The following MAN1A2 variants were observed in gnomAD, a reference collection of about 807,000 sequenced individuals.
MAN1A2 encodes mannosyl-oligosaccharide 1,2-alpha-mannosidase IB.
In MAN1A2, 26 loss-of-function variants were observed where a neutral mutation model predicts 75.7. That is an observed-to-expected ratio of 0.34 (90% confidence interval 0.25 to 0.48). The LOEUF is 0.48. MAN1A2 is among the 20% of genes least tolerant of loss of function. The probability of loss-of-function intolerance (pLI) is 0.99; values close to 1 mark genes in which losing one functional copy is unlikely to be tolerated. For synonymous variants in MAN1A2, 247 were observed against 264.6 expected, an observed-to-expected ratio of 0.93 and a Z score of 0.65; for missense variants, 562 against 775.5, an observed-to-expected ratio of 0.72 and a Z score of 3.27.
chr1:117,511,110 T>C (rs1010134610), intron 12 of MAN1A2, among the ~76,000 whole-genome samples: 4 of 151,974 alleles, frequency 2.6e-5, no homozygotes, highest in Non-Finnish European at 5.9e-5. Context: ...TCTTACGTGG[T>C]GGCAGGAAAG....
At chr1:117,424,413 G>A (rs1188548620) in intron 5 of MAN1A2, among the ~76,000 whole-genome samples, 1 of 152,136 alleles carries the variant, frequency 6.6e-6, no homozygotes, top group Non-Finnish European at 1.5e-5. Context: ...ATCCAAGAAT[G>A]TTTATTATTT....
intron 5 of MAN1A2, among the ~76,000 whole-genome samples, chr1:117,439,547 G>A (rs1053539462): frequency 3.4e-4 from 51 of 151,820 alleles, no homozygotes; most frequent in Admixed American, 8.5e-4. Flanking sequence ...AGGCTGGAGT[G>A]CAGTGGCGTG....
At chr1:117,387,264 G>A (rs950738668) in intron 1 of MAN1A2, among the ~76,000 whole-genome samples, 9 of 151,602 alleles carry the variant, frequency 5.9e-5, no homozygotes, top group Non-Finnish European at 1.2e-4. Flanking sequence ...AGTGGATATG[G>A]AAAAATTGGA....
chr1:117,511,798 G>A (rs1651545047), intron 12 of MAN1A2, among the ~76,000 whole-genome samples: 1 of 151,866 alleles, frequency 6.6e-6, no homozygotes, highest in South Asian at 2.1e-4. Context: ...TTTCTTCATA[G>A]CACCTATCTT....
intron 6 of MAN1A2, among the ~76,000 whole-genome samples, chr1:117,443,173 G>A (rs1470492640): frequency 6.6e-6 from 1 of 151,468 alleles, no homozygotes; most frequent in Non-Finnish European, 1.5e-5. Flanking sequence ...TTTTTCTGGA[G>A]ATGTGAATCT....
intron 5 of MAN1A2, among the ~76,000 whole-genome samples, chr1:117,429,698 G>T (rs1408920105): frequency 9.0e-5 from 9 of 100,234 alleles, no homozygotes; most frequent in Admixed American, 7.1e-4. Flanking sequence ...GTGGCTGGCC[G>T]GGCAGGGGGG....
chr1:117,426,449 T>C (rs1390702015), intron 5 of MAN1A2, among the ~76,000 whole-genome samples: 1 of 152,160 alleles, frequency 6.6e-6, no homozygotes. Flanking sequence ...CATCGACTTA[T>C]GATAGGATTA....
At chr1:117,491,864 G>A (rs1650891650) in intron 8 of MAN1A2, among the ~76,000 whole-genome samples, 1 of 152,050 alleles carries the variant, frequency 6.6e-6, no homozygotes, top group Non-Finnish European at 1.5e-5. Context: ...GGAAGTAACT[G>A]TAGATGTGGT....
intron 6 of MAN1A2, among the ~76,000 whole-genome samples, chr1:117,458,294 C>T (rs1235491085): frequency 6.6e-6 from 1 of 151,518 alleles, no homozygotes; most frequent in Non-Finnish European, 1.5e-5. Flanking sequence ...CTTTGATTCT[C>T]ACTTCTAGCT....
At chr1:117,369,540 A>G (rs1204745454) in intron 1 of MAN1A2, among the ~76,000 whole-genome samples, 2 of 152,186 alleles carry the variant, frequency 1.3e-5, no homozygotes, top group Non-Finnish European at 2.9e-5. Flanking sequence ...GGGAAAATGC[A>G]CTGTTTTATG....
rs768340129 is a variant in MAN1A2, at chr1:117,522,955, T to C, written c.1924T>C (p.Ter642ArgextTer21). 3.7e-6 allele frequency: 6 copies of C among 1,610,740 alleles called. No homozygotes were observed. The African/African-American group carries it at 6.7e-5, about 18-fold the overall frequency. Residue 642 changes from the stop codon to arginine, a stop_lost, in exon 13 of 13, where the codon TGA becomes CGA. Coordinates refer to ENST00000356554, the MANE Select transcript of MAN1A2 (RefSeq NM_006699.5). ...TTLSGNPAVR[*>R] ...ACTTTCAGGTAATCCTGCTGTTCGA[T>C]GAAAGCAGTTCCAGAAGGACCATTC...
At chr1:117,518,096 A>G (rs1402501811) in intron 12 of MAN1A2, among the ~76,000 whole-genome samples, 1 of 151,988 alleles carries the variant, frequency 6.6e-6, no homozygotes, top group Non-Finnish European at 1.5e-5. Context: ...GATTGATCCA[A>G]ATTCTGAAAA....
At chr1:117,382,474 C>T (rs1653376843) in intron 1 of MAN1A2, among the ~76,000 whole-genome samples, 1 of 152,104 alleles carries the variant, frequency 6.6e-6, no homozygotes, top group African/African-American at 2.4e-5. Context: ...TCAGGTTTGT[C>T]GAAGATCAGA....
intron 1 of MAN1A2, among the ~76,000 whole-genome samples, chr1:117,401,226 G>C (rs538752418): frequency 1.1e-3 from 165 of 148,530 alleles, no homozygotes; most frequent in Non-Finnish European, 2.0e-3. Flanking sequence ...AGGATTCTAT[G>C]ATAGTTACAT....
At chr1:117,495,115 G>A (rs1172367427) in intron 9 of MAN1A2, 3 of 151,500 alleles carry the variant, frequency 2.0e-5, no homozygotes, top group Non-Finnish European at 4.4e-5. Context: ...TGAAAGGCAT[G>A]ATAACTGCTT....
chr1:117,503,043 C>T (rs901989197), intron 12 of MAN1A2, 73 bp downstream of exon 12: 1 of 725,226 alleles, frequency 1.4e-6, no homozygotes, highest in African/African-American at 1.9e-5. Flanking sequence ...TGATGAATTA[C>T]AACTATGTGA....
chr1:117,519,739 C>T (rs1363295283), intron 12 of MAN1A2, among the ~76,000 whole-genome samples: 1 of 152,016 alleles, frequency 6.6e-6, no homozygotes, highest in Non-Finnish European at 1.5e-5. Flanking sequence ...CAGCAGAATT[C>T]TATCAGACAT....
Position 117,402,422 on chromosome 1 carries a change from A to C in MAN1A2, c.539A>C (p.Lys180Thr). ...CCAGAAGATAATGACATAAGAGAGA[A>C]AAGGGAAAAAATTAAAGAGGTAATA... is the stretch of plus-strand genomic sequence containing the variant. Reference protein sequence around the residue: ...GDPEDNDIREKREKIKEMMKH... With the variant: ...GDPEDNDIRETREKIKEMMKH... Residue 180 changes from lysine to threonine, a missense_variant, in exon 2 of 13, where the codon AAA becomes ACA. Lys to Thr is a moderately conservative substitution (Grantham distance 78, BLOSUM62 -1). Transcript: ENST00000356554. 3 of 1,595,622 alleles carry C rather than the reference A, an allele frequency of 1.9e-6. No individual in the cohort carries two copies. Among genetic ancestry groups the C allele is most frequent in the Non-Finnish European group, 1.7e-6 (2 of 1,175,030 alleles).
chr1:117,388,775 G>A (rs554819762), intron 1 of MAN1A2, among the ~76,000 whole-genome samples: 1 of 152,284 alleles, frequency 6.6e-6, no homozygotes, highest in South Asian at 2.1e-4. Context: ...ACTAATAACA[G>A]CTTGGGGCCA....
Sources: gnomAD v4.1 joint callset for allele counts (sites outside exome capture counted in the v4.1 genomes callset) on GRCh38, gnomAD v4.1.1 for gene constraint, MANE v1.5 for transcripts, NCBI Gene and HGNC (gene_info 2026-07-23, HGNC 2026-07-21) for gene names.